Variants in ADAMTS6 observed in about 807,000 individuals in gnomAD.
The protein encoded by ADAMTS6 is A disintegrin and metalloproteinase with thrombospondin motifs 6.
ADAMTS6 carries 23 observed loss-of-function variants against 144.3 expected under a neutral mutation model. The observed-to-expected ratio is 0.16, with a 90% CI of 0.11 to 0.23. ADAMTS6 has a LOEUF of 0.23. Ranked by LOEUF, ADAMTS6 falls within the 10% of genes least tolerant of loss-of-function variation. ADAMTS6 has a pLI of 1.00. For synonymous variants in ADAMTS6, 444 were observed against 457.5 expected (o/e 0.97, Z 0.38); for missense variants, 999 against 1,379.6 (o/e 0.72, Z 4.37).
intron 7 of ADAMTS6, among the ~76,000 whole-genome samples, chr5:65,404,725 C>A (rs1457555729): frequency 6.6e-6 from 1 of 152,164 alleles, no homozygotes; most frequent in East Asian, 1.9e-4. Context: ...CACCACACTG[C>A]CTTCCACAAT....
intron 7 of ADAMTS6, among the ~76,000 whole-genome samples, chr5:65,407,674 T>C (rs1467318388): frequency 6.6e-6 from 1 of 152,050 alleles, no homozygotes; most frequent in African/African-American, 2.4e-5. Flanking sequence ...GAACTCATCA[T>C]TTTTTATGGC....
In ADAMTS6 at chr5:65,437,310, G is replaced by A. The variant is rs186032330; in HGVS notation, c.1073+14165C>T. ...AGGGTCTCACCACGTTAGCTAGGAT[G>A]GTCTCGATATCCTGACCTCGTGATC... On this transcript the variant is annotated intron_variant, in intron 7 of 24. Transcript: ENST00000381055. 4.9e-3 allele frequency among the ~76,000 whole-genome samples: 740 copies of A among 152,130 alleles called. 7 individuals are homozygous for A. The highest frequency in any genetic ancestry group is 7.0e-3 in the Non-Finnish European group (479 of 67,988).
In ADAMTS6 at chr5:65,188,107, T is replaced by C. The variant is rs1754783328; in HGVS notation, c.2819A>G (p.Tyr940Cys). The C allele has an allele frequency of 6.2e-7, 1 of 1,614,064 alleles. No homozygotes were observed. The highest frequency in any genetic ancestry group is 8.5e-7 in the Non-Finnish European group (1 of 1,180,026). Residue 940 changes from tyrosine (Y) to cysteine (C), a missense_variant, in exon 22 of 25, where the codon TAC becomes TGC. Coordinates refer to ENST00000381055, the MANE Select transcript of ADAMTS6 (RefSeq NM_197941.4). ...IGPSEEETLD[Y>C]SGCLTHRPVE... The stretch of plus-strand genomic sequence containing the variant: ...AGGCCGGTGTGTTAAACAACCACTG[T>C]AGTCCAGCGTCTCCTCCTCAGAAGG...
At chr5:65,221,604 T>C (rs979503549) in intron 18 of ADAMTS6, among the ~76,000 whole-genome samples, 3 of 152,270 alleles carry the variant, frequency 2.0e-5, no homozygotes, top group Middle Eastern at 6.8e-3. Context: ...CTGCCTAGTC[T>C]CCTCATTTAT....
At chr5:65,335,887 A>T (rs1468440241) in intron 7 of ADAMTS6, among the ~76,000 whole-genome samples, 1 of 152,130 alleles carries the variant, frequency 6.6e-6, no homozygotes, top group Non-Finnish European at 1.5e-5. Context: ...GAAAACTAGG[A>T]AACAGATTCA....
At chr5:65,180,407 T>A (rs549363225) in intron 22 of ADAMTS6, among the ~76,000 whole-genome samples, 1 of 152,262 alleles carries the variant, frequency 6.6e-6, no homozygotes, top group South Asian at 2.1e-4. Context: ...TTCCTTTTAT[T>A]CCTTTTCATA....
intron 7 of ADAMTS6, among the ~76,000 whole-genome samples, chr5:65,345,832 AC>A (rs113796012): frequency 0.036 from 5,453 of 151,852 alleles, 167 homozygotes; most frequent in African/African-American, 0.083. Context: ...CCTAATTTAT[AC>A]CTTTAACTGT....
intron 21 of ADAMTS6, 76 bp downstream of exon 21, chr5:65,196,946 A>G: frequency 2.0e-6 from 3 of 1,502,102 alleles, no homozygotes; most frequent in East Asian, 2.3e-5. Context: ...ATATAAATAT[A>G]TTTCCAAACA....
At chr5:65,403,819 C>T (rs904481997) in intron 7 of ADAMTS6, among the ~76,000 whole-genome samples, 6 of 152,044 alleles carry the variant, frequency 3.9e-5, no homozygotes, top group Non-Finnish European at 7.4e-5. Flanking sequence ...TCACTACGTA[C>T]CTTATTCCAT....
chr5:65,172,757 A>C (rs1209751335), intron 23 of ADAMTS6, 75 bp downstream of exon 23: 1 of 1,520,188 alleles, frequency 6.6e-7, no homozygotes, highest in African/African-American at 1.4e-5. Flanking sequence ...AGCCCTTACA[A>C]TGATCACACA....
intron 7 of ADAMTS6, among the ~76,000 whole-genome samples, chr5:65,446,364 T>G (rs1758271695): frequency 6.6e-6 from 1 of 152,226 alleles, no homozygotes; most frequent in African/African-American, 2.4e-5. Flanking sequence ...AAACATTAGG[T>G]GACTTTGGAA....
chr5:65,406,852 G>C (rs1443123395), intron 7 of ADAMTS6, among the ~76,000 whole-genome samples: 1 of 152,036 alleles, frequency 6.6e-6, no homozygotes, highest in Non-Finnish European at 1.5e-5. Flanking sequence ...TAGCATGAAG[G>C]GCTGTTGAAT....
intron 7 of ADAMTS6, chr5:65,416,157 C>T (rs888606612): frequency 1.1e-5 from 2 of 178,678 alleles, no homozygotes; most frequent in Non-Finnish European, 1.2e-5. Context: ...CACTGACCAC[C>T]CCATCAAGAC....
intron 24 of ADAMTS6, among the ~76,000 whole-genome samples, chr5:65,154,871 C>G (rs189600162): frequency 6.6e-6 from 1 of 152,204 alleles, no homozygotes; most frequent in Admixed American, 6.5e-5. Context: ...AAGGGTTACA[C>G]ATTTACGCAT....
intron 11 of ADAMTS6, among the ~76,000 whole-genome samples, chr5:65,281,075 G>A (rs1299993033): frequency 6.6e-6 from 1 of 152,054 alleles, no homozygotes; most frequent in Non-Finnish European, 1.5e-5. Flanking sequence ...CAACAACTAT[G>A]CCAGGCATAT....
At chr5:65,204,861 C>A (rs1580050516) in intron 20 of ADAMTS6, among the ~76,000 whole-genome samples, 1 of 152,170 alleles carries the variant, frequency 6.6e-6, no homozygotes, top group South Asian at 2.1e-4. Flanking sequence ...CAACCCCACA[C>A]AGAAACTATC....
intron 7 of ADAMTS6, among the ~76,000 whole-genome samples, chr5:65,339,942 T>C (rs981358517): frequency 6.6e-6 from 1 of 152,094 alleles, no homozygotes; most frequent in Non-Finnish European, 1.5e-5. Flanking sequence ...GGAAACCATA[T>C]TTTATGAAAT....
At chr5:65,268,513 G>C (rs1268427457) in intron 12 of ADAMTS6, among the ~76,000 whole-genome samples, 1 of 152,114 alleles carries the variant, frequency 6.6e-6, no homozygotes, top group Non-Finnish European at 1.5e-5. Context: ...TAATTGATTT[G>C]TAGGAGACTG....
rs1332770575 is a variant in ADAMTS6, at chr5:65,392,588, CTGTGTTCT to C, written c.1074-58511_1074-58504del. 3.3e-5 allele frequency among the ~76,000 whole-genome samples: 5 copies of C among 152,148 alleles called. No homozygotes were observed. In the East Asian group the frequency reaches 9.6e-4, roughly 29 times the overall value. On this transcript the variant is annotated intron_variant, in intron 7 of 24. Transcript: ENST00000381055. ...AGTGGGAATGCCTCCAGTAGGATCC[CTGTGTTCT>C]TGTTATATGACCCCATTGTTTTATT...
Sources: gnomAD v4.1 joint callset for allele counts (sites outside exome capture counted in the v4.1 genomes callset) on GRCh38, gnomAD v4.1.1 for gene constraint, MANE v1.5 for transcripts, NCBI Gene and HGNC (gene_info 2026-07-23, HGNC 2026-07-21) for gene names.